SLC1A3: variants seen among roughly 807,000 people sequenced by gnomAD.
The protein encoded by SLC1A3 is solute carrier family 1 member 3, also known as excitatory amino acid transporter 1.
A neutral mutation model predicts 48.1 loss-of-function variants in SLC1A3; 21 were observed. That is an observed-to-expected ratio of 0.44 (90% CI 0.31 to 0.63). SLC1A3 has a LOEUF of 0.63. SLC1A3 is among the 20% of genes least tolerant of loss of function. The pLI is 0.08. For missense variants in SLC1A3, 546 were observed against 689.0 expected, an observed-to-expected ratio of 0.79 and a Z score of 2.32; for synonymous variants, 239 against 251.4, an observed-to-expected ratio of 0.95 and a Z score of 0.47.
chr5:36,672,436 T>C (rs1742035573), intron 4 of SLC1A3, among the ~76,000 whole-genome samples: 1 of 152,206 alleles, frequency 6.6e-6, no homozygotes, highest in African/African-American at 2.4e-5. Flanking sequence ...CCCCACTGTT[T>C]AGTCCCTCCC....
At chr5:36,634,521 T>C (rs746608135) in intron 3 of SLC1A3, among the ~76,000 whole-genome samples, 11 of 152,194 alleles carry the variant, frequency 7.2e-5, no homozygotes, top group Non-Finnish European at 1.5e-4. Context: ...CAGACATTCC[T>C]GCAGTGTCCC....
intron 3 of SLC1A3, among the ~76,000 whole-genome samples, chr5:36,644,024 A>C (rs1740737123): frequency 1.1e-5 from 1 of 93,216 alleles, no homozygotes; most frequent in African/African-American, 3.1e-5. Context: ...AAAATAAATA[A>C]ATAAATAAAT....
intron 6 of SLC1A3, 149 bp from the exon 7 acceptor site, chr5:36,679,478 G>A (rs1742343961): frequency 1.4e-6 from 1 of 691,742 alleles, no homozygotes; most frequent in African/African-American, 1.8e-5. Flanking sequence ...AAGAAAAGAA[G>A]TCCACAGTTT....
At chr5:36,602,263 GCTGA>G (rs1475893479), upstream of SLC1A3, among the ~76,000 whole-genome samples, 5 of 152,252 alleles carry the variant, frequency 3.3e-5, no homozygotes, top group Middle Eastern at 3.4e-3. Flanking sequence ...TTGTCTTAGC[GCTGA>G]CTATGATCCC....
At chr5:36,663,672 C>T (rs138127121) in intron 3 of SLC1A3, among the ~76,000 whole-genome samples, 1 of 152,266 alleles carries the variant, frequency 6.6e-6, no homozygotes, top group East Asian at 1.9e-4. Flanking sequence ...CTGTAAGGAA[C>T]ACTTGGTGTT....
chr5:36,629,979 C>T, intron 3 of SLC1A3: 1 of 278,682 alleles, frequency 3.6e-6, no homozygotes, highest in South Asian at 3.8e-5. Context: ...GCTATTGATG[C>T]AAGAATGCTT....
In SLC1A3 at chr5:36,680,441, G is replaced by A; in HGVS notation, c.1141G>A (p.Gly381Ser). ...ITFKCLEENN[G>S]VDKRVTRFVL... ...CTTCAAGTGCCTGGAAGAGAACAAT[G>A]GCGTGGACAAGCGCGTCACCAGATT... The change falls in exon 8 of 10, where the codon GGC becomes AGC. Residue 381 changes from glycine to serine, a missense_variant. Around this residue, in one of 3 missense-constraint regions of SLC1A3, gnomAD observed 142 missense variants for 238.0 expected, o/e 0.60. Coordinates refer to ENST00000265113, the MANE Select transcript of SLC1A3 (RefSeq NM_004172.5). 6.2e-7 allele frequency: 1 copy of A among 1,614,198 alleles called. No homozygotes were observed.
chr5:36,665,353 A>G (rs186570028), intron 3 of SLC1A3, among the ~76,000 whole-genome samples: 45 of 152,338 alleles, frequency 3.0e-4, no homozygotes, highest in African/African-American at 1.1e-3. Context: ...GGCCACTGCA[A>G]TGAATAAAAC....
chr5:36,672,639 AG>A, intron 4 of SLC1A3, among the ~76,000 whole-genome samples: 1 of 152,286 alleles, frequency 6.6e-6, no homozygotes, highest in South Asian at 2.1e-4. Context: ...TGGGGAGCAG[AG>A]GGTACCTTCA....
chr5:36,619,587 C>T (rs957478375), intron 2 of SLC1A3, among the ~76,000 whole-genome samples: 2 of 152,128 alleles, frequency 1.3e-5, no homozygotes, highest in Admixed American at 6.5e-5. Context: ...CCAGCCTGGG[C>T]AACAGAGTAA....
intron 3 of SLC1A3, among the ~76,000 whole-genome samples, chr5:36,642,091 C>T (rs1047769050): frequency 6.6e-6 from 1 of 152,176 alleles, no homozygotes; most frequent in Admixed American, 6.5e-5. Flanking sequence ...AATCTATTAA[C>T]TTTAATCTAT....
chr5:36,642,979 T>C (rs990997250), intron 3 of SLC1A3, among the ~76,000 whole-genome samples: 3 of 152,262 alleles, frequency 2.0e-5, no homozygotes, highest in Admixed American at 2.0e-4. Context: ...AATGGAATAC[T>C]ACCCATTCAT....
At chr5:36,632,977 C>G (rs990597831) in intron 3 of SLC1A3, among the ~76,000 whole-genome samples, 3 of 152,162 alleles carry the variant, frequency 2.0e-5, no homozygotes, top group Non-Finnish European at 4.4e-5. Context: ...GATTTGTACT[C>G]AAGTACCTAT....
chr5:36,688,143 C>T lies in SLC1A3; in HGVS notation c.*1874C>T, dbSNP rs1167906224. On this transcript the variant is annotated 3_prime_UTR_variant, in exon 10 of 10. Coordinates refer to ENST00000265113, the MANE Select transcript of SLC1A3 (RefSeq NM_004172.5). Reference sequence around the variant, plus strand: ...GACACTAGTAGAGCAAAGACTTAATCATATCAACTTAATTCTGTTACACAA... The same window carrying T: ...GACACTAGTAGAGCAAAGACTTAATTATATCAACTTAATTCTGTTACACAA... The T allele has an allele frequency of 1.3e-5, 2 of 152,150 alleles. No individual in the cohort carries two copies. Among genetic ancestry groups the T allele is most frequent in the Non-Finnish European group, 2.9e-5 (2 of 68,028 alleles). The allele number at this position is 152,150 out of a possible 1,614,324, so 9.4% of individuals were successfully genotyped here.
At chr5:36,608,137 A>G (rs1175404857) in intron 1 of SLC1A3, 192 bp from the exon 2 acceptor site, 2 of 372,962 alleles carry the variant, frequency 5.4e-6, no homozygotes, top group Non-Finnish European at 9.7e-6. Context: ...ATATATTCCG[A>G]ATTTATGCAC....
chr5:36,668,880 C>T (rs548002031), intron 3 of SLC1A3: 1 of 152,340 alleles, frequency 6.6e-6, no homozygotes, highest in South Asian at 2.1e-4. Flanking sequence ...GGACATTAAA[C>T]CTCATCCTTT....
At chr5:36,599,031 G>T (rs1323084674) in intron 1 of SLC1A3, among the ~76,000 whole-genome samples, 1 of 152,122 alleles carries the variant, frequency 6.6e-6, no homozygotes, top group Non-Finnish European at 1.5e-5. Context: ...CATTTTGGGG[G>T]TACTAAGTTT....
At chr5:36,610,730 C>A (rs1412849008) in intron 2 of SLC1A3, among the ~76,000 whole-genome samples, 1 of 152,154 alleles carries the variant, frequency 6.6e-6, no homozygotes, top group Non-Finnish European at 1.5e-5. Context: ...TCTAGGAGTT[C>A]TGGGATCATT....
chr5:36,643,791 G>A (rs778257819), intron 3 of SLC1A3, among the ~76,000 whole-genome samples: 5 of 151,944 alleles, frequency 3.3e-5, no homozygotes, highest in Non-Finnish European at 7.4e-5. Context: ...TCAAGAGTTC[G>A]AGACCAGCCT....
Sources: allele counts gnomAD v4.1 joint callset (sites outside exome capture counted in the v4.1 genomes callset), GRCh38; gene constraint gnomAD v4.1.1; regional missense constraint gnomAD v4.1.1; transcripts MANE v1.5; gene names NCBI Gene and HGNC (gene_info 2026-07-23, HGNC 2026-07-21).